PFKFB2: variants seen among roughly 807,000 people sequenced by gnomAD.
The protein encoded by PFKFB2 is 6-phosphofructo-2-kinase/fructose-2,6-bisphosphatase 2.
In PFKFB2, 53 loss-of-function variants were observed where a neutral mutation model predicts 68.0. That is an observed-to-expected ratio of 0.78 (90% CI 0.63 to 0.98). The LOEUF (loss-of-function observed/expected upper bound fraction) is 0.98, where lower values mean the gene tolerates loss of function less well. PFKFB2 is among the 50% of genes least tolerant of loss of function. The pLI is 0.00. For missense variants in PFKFB2, 451 were observed against 642.0 expected (o/e 0.70, Z 3.22); for synonymous variants, 222 against 227.6 (o/e 0.98, Z 0.22).
chr1:207,054,703 A>T lies in PFKFB2; in HGVS notation c.-15A>T, dbSNP rs758911506. ...TACATTCTACTTCTCTGTTTCAGAC[A>T]TCTGAAGAGCTGCCATGTCTGGGGC... On this transcript the variant is annotated splice_region_variant and 5_prime_UTR_variant, in exon 2 of 15. Transcript: ENST00000367080. 33 of 1,602,944 alleles carry T rather than the reference A, an allele frequency of 2.1e-5. No homozygotes were observed. Among genetic ancestry groups the T allele is most frequent in the Non-Finnish European group, 2.8e-5 (33 of 1,170,570 alleles).
chr1:207,038,805 T>C (rs1389674751), intron 1 of PFKFB2, among the ~76,000 whole-genome samples: 1 of 152,250 alleles, frequency 6.6e-6, no homozygotes, highest in African/African-American at 2.4e-5. Context: ...AAGGATCTCA[T>C]AGCACTTGTA....
Position 207,054,818 on chromosome 1 carries a change from G to A in PFKFB2, c.85+16G>A. ...AAGAAATGTTGTGAGTTCTGGCAGAGAGGAGGGACTGCTCTCTCTCAGCAT... is the reference window on the plus strand; with the variant it reads ...AAGAAATGTTGTGAGTTCTGGCAGAAAGGAGGGACTGCTCTCTCTCAGCAT... On this transcript the variant is annotated intron_variant, in intron 2 of 14. Coordinates refer to ENST00000367080, the MANE Select transcript of PFKFB2 (RefSeq NM_006212.2). 4 of 1,572,700 alleles carry A rather than the reference G, an allele frequency of 2.5e-6. No individual in the cohort carries two copies. The highest frequency in any genetic ancestry group is 3.5e-6 in the Non-Finnish European group (4 of 1,143,822).
intron 2 of PFKFB2, among the ~76,000 whole-genome samples, chr1:207,056,487 G>A (rs1451593453): frequency 2.0e-5 from 3 of 151,272 alleles, no homozygotes; most frequent in Non-Finnish European, 4.4e-5. Context: ...CTGACTACAC[G>A]ATGCCATGTG....
chr1:207,054,780 T>C lies in PFKFB2; in HGVS notation c.63T>C (p.Leu21=). 1 of 1,613,556 alleles carries C rather than the reference T, an allele frequency of 6.2e-7. No individual in the cohort carries two copies. Among genetic ancestry groups the C allele is most frequent in the South Asian group, 1.1e-5 (1 of 90,916 alleles). The change falls in exon 2 of 15, where the codon CTT becomes CTC. Residue 21 remains leucine (L), a synonymous_variant. Coordinates refer to ENST00000367080, the MANE Select transcript of PFKFB2 (RefSeq NM_006212.2). ...GCTATGAAACCAAAACCCCAAATCT[T>C]CGAATGTCAGAGAAGAAATGTTGTG... ...NNSYETKTPN[L]RMSEKKCSWA...
chr1:207,034,457 T>G (rs1303882997), exon 1 of PFKFB2: 1 of 152,254 alleles, frequency 6.6e-6, no homozygotes, highest in African/African-American at 2.4e-5. Context: ...TCAATGAAGT[T>G]GATCCAGCTC....
At position 207,077,194 on chromosome 1, in the gene PFKFB2, A is replaced by G; in HGVS notation, c.*4823A>G. On this transcript the variant is annotated 3_prime_UTR_variant, in exon 15 of 15. Coordinates refer to ENST00000367080, the MANE Select transcript of PFKFB2 (RefSeq NM_006212.2). ...CTTCAGTTCCACTGTTCATTTCTGA[A>G]GCTTCTGTGTCCCCAGCTTACCCTG... 1 of 985,388 alleles carries G rather than the reference A, an allele frequency of 1.0e-6. No individual in the cohort carries two copies. Among genetic ancestry groups the G allele is most frequent in the South Asian group, 4.7e-5 (1 of 21,290 alleles). 61.0% of individuals were successfully genotyped at this position (985,388 alleles called of 1,614,324 possible). A position where few individuals can be genotyped will look rare whatever the true frequency, so the allele number is the denominator to read the frequency against.
At chr1:207,062,991 A>G in intron 4 of PFKFB2, 152 bp from the exon 5 acceptor site, 1 of 727,810 alleles carries the variant, frequency 1.4e-6, no homozygotes, top group Non-Finnish European at 2.4e-6. Context: ...GAAAACCCTC[A>G]GTGAGAAAGT....
At chr1:207,049,259 G>A, upstream of PFKFB2, 1 of 1,614,068 alleles carries the variant, frequency 6.2e-7, no homozygotes, top group Non-Finnish European at 8.5e-7. Flanking sequence ...CGCTGAAGTG[G>A]ATCATAGTGG....
At position 207,063,707 on chromosome 1, in the gene PFKFB2, C is replaced by A; in HGVS notation, c.451-66C>A. The A allele has an allele frequency of 1.5e-6, 2 of 1,312,752 alleles. No individual in the cohort carries two copies. Among genetic ancestry groups the A allele is most frequent in the South Asian group, 1.2e-5 (1 of 84,964 alleles). 81.3% of individuals were successfully genotyped at this position (1,312,752 alleles called of 1,614,324 possible). On this transcript the variant is annotated intron_variant, in intron 6 of 14. Transcript: ENST00000367080. The surrounding 1 kb of genome is among the most constrained non-coding windows in gnomAD (Gnocchi z 4.1). ...GTGGTGGCTGGGTGGGGTAGATGAG[C>A]ATGTGCTCTTAATTAACAGCCTGGC...
Position 207,070,575 on chromosome 1 carries a change from T to C in PFKFB2, c.1222+166T>C, listed in dbSNP as rs1683436954. 1.5e-6 allele frequency: 1 copy of C among 667,242 alleles called. No homozygotes were observed. The highest frequency in any genetic ancestry group is 2.5e-6 in the Non-Finnish European group (1 of 407,372). The allele number at this position is 667,242 out of a possible 1,614,324, so 41.3% of individuals were successfully genotyped here. A position where few individuals can be genotyped will look rare whatever the true frequency, so the allele number is the denominator to read the frequency against. On this transcript the variant is annotated intron_variant, in intron 12 of 14. Coordinates refer to ENST00000367080, the MANE Select transcript of PFKFB2 (RefSeq NM_006212.2). This position sits in a 1 kb window ranked among gnomAD's most constrained non-coding sequence, Gnocchi z 4.2. ...AGCAGCCACTGAGTCAATGACTTGC[T>C]GAGTTCACTCTGCTGCTACGAAAGC... is the stretch of plus-strand genomic sequence containing the variant.
chr1:207,052,320 C>T (rs1442469714), upstream of PFKFB2: 1 of 1,208,170 alleles, frequency 8.3e-7, no homozygotes, highest in Non-Finnish European at 1.2e-6. Context: ...ACGGATGATA[C>T]AGCCTGGGTT....
intron 8 of PFKFB2, among the ~76,000 whole-genome samples, chr1:207,066,680 C>G (rs890238178): frequency 5.9e-5 from 9 of 151,930 alleles, no homozygotes; most frequent in African/African-American, 1.9e-4. Context: ...GATGGAGTCT[C>G]TCGCTCTTGT....
In PFKFB2 at chr1:207,070,896, C is replaced by G; in HGVS notation, c.1223-292C>G. ...CTGCTTGGAAGCTGTTGTGGTCAGA[C>G]CTTATTGGCCTTTGCTGTACCCAGG... is the stretch of plus-strand genomic sequence containing the variant. On this transcript the variant is annotated intron_variant, in intron 12 of 14. Coordinates refer to ENST00000367080, the MANE Select transcript of PFKFB2 (RefSeq NM_006212.2). The surrounding 1 kb of genome is among the most constrained non-coding windows in gnomAD (Gnocchi z 4.2). 2.8e-6 allele frequency: 1 copy of G among 360,884 alleles called. No homozygotes were observed. The highest frequency in any genetic ancestry group is 5.1e-6 in the Non-Finnish European group (1 of 195,430). 22.4% of individuals were successfully genotyped at this position (360,884 alleles called of 1,614,324 possible).
At chr1:207,079,924 A>G (rs961848169), downstream of PFKFB2, 2 of 152,252 alleles carry the variant, frequency 1.3e-5, no homozygotes, top group South Asian at 2.1e-4. Flanking sequence ...CTCTGTCACC[A>G]TGATACAGTC....
intron 1 of PFKFB2, among the ~76,000 whole-genome samples, chr1:207,038,975 AG>A (rs1333209367): frequency 6.6e-6 from 1 of 152,234 alleles, no homozygotes; most frequent in Non-Finnish European, 1.5e-5. Flanking sequence ...AATAAGTAAA[AG>A]CTCAATGAGG....
chr1:207,069,226 GC>G (rs1476658674), intron 10 of PFKFB2, among the ~76,000 whole-genome samples, 197 bp from the exon 11 acceptor site: 1 of 152,098 alleles, frequency 6.6e-6, no homozygotes, highest in East Asian at 1.9e-4. Context: ...CCTCTTTCCG[GC>G]AGTGGTCCTC....
chr1:207,057,774 A>AT (rs34461407), intron 2 of PFKFB2, among the ~76,000 whole-genome samples: 4 of 151,994 alleles, frequency 2.6e-5, no homozygotes, highest in Non-Finnish European at 5.9e-5. Context: ...TTCCTTTTTT[A>AT]TTTTTTTAAA....
chr1:207,076,252 C>A lies in PFKFB2; in HGVS notation c.*3881C>A. The stretch of plus-strand genomic sequence containing the variant: ...AATTCATCTATGTTACTTTTTTTTT[C>A]TTTTTTTTTTTTTTTTATGAGCAGG... On this transcript the variant is annotated 3_prime_UTR_variant, in exon 15 of 15. Coordinates refer to ENST00000367080, the MANE Select transcript of PFKFB2 (RefSeq NM_006212.2). 7 of 870,298 alleles carry A rather than the reference C, an allele frequency of 8.0e-6. No homozygotes were observed. Among genetic ancestry groups the A allele is most frequent in the Non-Finnish European group, 9.5e-6 (7 of 738,512 alleles). The allele number at this position is 870,298 out of a possible 1,614,324, so 53.9% of individuals were successfully genotyped here.
chr1:207,072,293 A>G lies in PFKFB2; in HGVS notation c.1440A>G (p.Arg480=), dbSNP rs774352658. The G allele has an allele frequency of 8.1e-6, 13 of 1,614,080 alleles. No individual in the cohort carries two copies. Among genetic ancestry groups the G allele is most frequent in the Non-Finnish European group, 1.1e-5 (13 of 1,180,038 alleles). ...LSSSNTIRRP[R]NYSVGSRPLK... ...GTTCGAATACAATAAGGCGTCCAAG[A>G]AATTACAGTGTTGGGAGCCGGCCCC... The change falls in exon 15 of 15, where the codon AGA becomes AGG. Residue 480 remains arginine (R), a synonymous_variant. Coordinates refer to ENST00000367080, the MANE Select transcript of PFKFB2 (RefSeq NM_006212.2).
Sources: gnomAD v4.1 joint callset for allele counts (sites outside exome capture counted in the v4.1 genomes callset) on GRCh38, gnomAD v4.1.1 for gene constraint, Gnocchi (gnomAD v3.1) non-coding constraint, MANE v1.5 for transcripts, NCBI Gene and HGNC (gene_info 2026-07-23, HGNC 2026-07-21) for gene names.